BMPR1A: variants seen among roughly 807,000 people sequenced by gnomAD.
The protein encoded by BMPR1A is bone morphogenetic protein receptor type 1A.
BMPR1A carries 7 observed loss-of-function variants against 66.0 expected under a neutral mutation model. That is an observed-to-expected ratio of 0.11 (90% CI 0.06 to 0.20). The LOEUF (loss-of-function observed/expected upper bound fraction) is 0.20, where lower values mean the gene tolerates loss of function less well. Among genes scored for constraint, BMPR1A ranks in the 10% least tolerant of loss-of-function variants. The pLI, the probability that BMPR1A is intolerant of heterozygous loss-of-function variation, is 1.00. For missense variants in BMPR1A, 408 were observed against 669.1 expected (o/e 0.61, Z 4.31); for synonymous variants, 200 against 229.7 (o/e 0.87, Z 1.17).
At chr10:86,891,198 GT>G (rs1843146048) in intron 4 of BMPR1A, among the ~76,000 whole-genome samples, 1 of 152,118 alleles carries the variant, frequency 6.6e-6, no homozygotes. Flanking sequence ...ACTGTGACTA[GT>G]TGTTCATTTT....
intron 2 of BMPR1A, among the ~76,000 whole-genome samples, chr10:86,875,135 G>A (rs903017038): frequency 6.6e-6 from 1 of 151,962 alleles, no homozygotes; most frequent in Non-Finnish European, 1.5e-5. Context: ...CACTTTGGGA[G>A]GCTGAGGCTG....
At chr10:86,865,210 T>A (rs919716296) in intron 2 of BMPR1A, among the ~76,000 whole-genome samples, 4 of 151,800 alleles carry the variant, frequency 2.6e-5, no homozygotes, top group African/African-American at 7.3e-5. Context: ...AAATGGCCGG[T>A]CCATGCCTTA....
chr10:86,927,597 T>G lies in BMPR1A; in HGVS notation c.*3878T>G. On this transcript the variant is annotated 3_prime_UTR_variant, in exon 13 of 13. Transcript: ENST00000372037. ...TGTGAATATGGCTCTTGTAAAGGAT[T>G]AACTATTGTAATTTTAGCTTATGCT... The G allele has an allele frequency of 1.0e-5, 2 of 198,864 alleles. No individual in the cohort carries two copies. The highest frequency in any genetic ancestry group is 2.1e-5 in the Non-Finnish European group (2 of 96,220). 12.3% of individuals were successfully genotyped at this position (198,864 alleles called of 1,614,324 possible). A position where few individuals can be genotyped will look rare whatever the true frequency, so the allele number is the denominator to read the frequency against.
At chr10:86,783,714 G>A (rs368191707) in intron 1 of BMPR1A, among the ~76,000 whole-genome samples, 72 of 152,204 alleles carry the variant, frequency 4.7e-4, no homozygotes, top group African/African-American at 1.6e-3. Flanking sequence ...TCAGCCTTCC[G>A]CGTAGCTGGG....
At chr10:86,830,408 G>A (rs996591570) in intron 1 of BMPR1A, among the ~76,000 whole-genome samples, 1 of 152,218 alleles carries the variant, frequency 6.6e-6, no homozygotes, top group East Asian at 1.9e-4. Context: ...GGGGTGTGCA[G>A]TTGGTGGCTT....
intron 1 of BMPR1A, among the ~76,000 whole-genome samples, chr10:86,824,081 T>TTGTGTGTGTGTGTGTGTG (rs71477609): frequency 0.011 from 1,034 of 94,102 alleles, 15 homozygotes; most frequent in African/African-American, 0.027. Flanking sequence ...TTACCAAGGG[T>TTGTGTGTGTGTGTGTGTG]TGTGTGTGTG....
intron 1 of BMPR1A, among the ~76,000 whole-genome samples, chr10:86,823,470 G>GCTT (rs1842148207): frequency 6.6e-6 from 1 of 152,196 alleles, no homozygotes; most frequent in Admixed American, 6.5e-5. Flanking sequence ...ATTCAGTCTG[G>GCTT]CTACAGAGCC....
intron 3 of BMPR1A, among the ~76,000 whole-genome samples, chr10:86,882,338 G>A (rs1006837935): frequency 5.9e-5 from 9 of 152,010 alleles, no homozygotes; most frequent in Non-Finnish European, 7.4e-5. Context: ...TGGGAGGATC[G>A]CTTGAACCAG....
At chr10:86,888,481 C>T (rs1309450146) in intron 3 of BMPR1A, among the ~76,000 whole-genome samples, 2 of 151,916 alleles carry the variant, frequency 1.3e-5, no homozygotes, top group African/African-American at 4.8e-5. Context: ...TAAAAATGTT[C>T]TCTATACTCA....
intron 1 of BMPR1A, among the ~76,000 whole-genome samples, chr10:86,798,044 G>A (rs1244614673): frequency 6.6e-6 from 1 of 152,026 alleles, no homozygotes; most frequent in Non-Finnish European, 1.5e-5. Flanking sequence ...TTATTATTTT[G>A]ATATATTAAT....
At chr10:86,777,037 A>G (rs568186010) in intron 1 of BMPR1A, among the ~76,000 whole-genome samples, 50 of 152,048 alleles carry the variant, frequency 3.3e-4, no homozygotes, top group Non-Finnish European at 6.6e-4. Flanking sequence ...GAGACTTAGA[A>G]CCCATTGACC....
chr10:86,823,432 G>A (rs964023605), intron 1 of BMPR1A, among the ~76,000 whole-genome samples: 2 of 152,230 alleles, frequency 1.3e-5, no homozygotes, highest in Non-Finnish European at 2.9e-5. Context: ...CAACAGTTAA[G>A]TGGTGGAGCC....
chr10:86,891,227 G>C (rs1021808467), intron 4 of BMPR1A, among the ~76,000 whole-genome samples: 1 of 152,126 alleles, frequency 6.6e-6, no homozygotes, highest in Admixed American at 6.5e-5. Flanking sequence ...GTGAGAGTTT[G>C]CCAGCAGGGA....
chr10:86,823,072 G>A (rs555630866), intron 1 of BMPR1A, among the ~76,000 whole-genome samples: 12 of 152,232 alleles, frequency 7.9e-5, no homozygotes, highest in South Asian at 2.1e-4. Flanking sequence ...AATGGAACTC[G>A]GTAAATATTA....
At chr10:86,772,719 C>CT in intron 1 of BMPR1A, among the ~76,000 whole-genome samples, 1 of 152,162 alleles carries the variant, frequency 6.6e-6, no homozygotes, top group South Asian at 2.1e-4. Flanking sequence ...CTTTTGTTCT[C>CT]TTAACAGTCA....
At chr10:86,915,825 C>CAAG (rs1843560721) in intron 8 of BMPR1A, among the ~76,000 whole-genome samples, 1 of 152,130 alleles carries the variant, frequency 6.6e-6, no homozygotes, top group African/African-American at 2.4e-5. Context: ...GAAGCATTTC[C>CAAG]AACTTGGAGC....
At chr10:86,794,743 T>C (rs1227209238) in intron 1 of BMPR1A, among the ~76,000 whole-genome samples, 1 of 152,024 alleles carries the variant, frequency 6.6e-6, no homozygotes, top group African/African-American at 2.4e-5. Flanking sequence ...AATGAAAAGA[T>C]AATATGAGAA....
intron 8 of BMPR1A, among the ~76,000 whole-genome samples, chr10:86,916,680 A>G (rs1348751274): frequency 6.6e-6 from 1 of 152,106 alleles, no homozygotes; most frequent in Non-Finnish European, 1.5e-5. Context: ...TACATTGTAC[A>G]TTGTTTCATA....
rs886047365 is a variant in BMPR1A, at chr10:86,925,145, C to T, written c.*1426C>T. On this transcript the variant is annotated 3_prime_UTR_variant, in exon 13 of 13. Transcript: ENST00000372037. ...AGTATCTAGTCAGTATCTGTAGCTA[C>T]ACTGTATAACTGTTCTTCAATAAAA... 5.2e-5 allele frequency: 12 copies of T among 231,660 alleles called. No homozygotes were observed. Among genetic ancestry groups the T allele is most frequent in the African/African-American group, 2.6e-4 (12 of 45,400 alleles). 14.4% of individuals were successfully genotyped at this position (231,660 alleles called of 1,614,324 possible). A position where few individuals can be genotyped will look rare whatever the true frequency, so the allele number is the denominator to read the frequency against.
Sources: gnomAD v4.1 joint callset for allele counts (sites outside exome capture counted in the v4.1 genomes callset) on GRCh38, gnomAD v4.1.1 for gene constraint, MANE v1.5 for transcripts, NCBI Gene and HGNC (gene_info 2026-07-23, HGNC 2026-07-21) for gene names.